CMYA5: variants seen among roughly 807,000 people sequenced by gnomAD.
CMYA5 encodes the protein cardiomyopathy-associated protein 5.
A neutral mutation model predicts 318.9 loss-of-function variants in CMYA5; 246 were observed. The observed-to-expected ratio is 0.77, with a 90% confidence interval of 0.70 to 0.86. The LOEUF is 0.86. CMYA5 is among the 40% of genes least tolerant of loss of function. The pLI, the probability that CMYA5 is intolerant of heterozygous loss-of-function variation, is 0.00. For synonymous variants in CMYA5, 1,641 were observed against 1,729.5 expected (o/e 0.95, Z 1.27); for missense variants, 4,589 against 4,678.2 (o/e 0.98, Z 0.56).
intron 1 of CMYA5, among the ~76,000 whole-genome samples, chr5:79,708,351 G>T (rs1827313835): frequency 6.6e-6 from 1 of 152,220 alleles, no homozygotes; most frequent in South Asian, 2.1e-4. Context: ...GCCGGGCATG[G>T]TGGCTCACGC....
chr5:79,793,671 GCT>G, intron 12 of CMYA5, 61 bp downstream of exon 12: 1 of 1,454,976 alleles, frequency 6.9e-7, no homozygotes, highest in Non-Finnish European at 9.4e-7. Flanking sequence ...TCCAGGCAGG[GCT>G]CTCTGAGGGA....
rs1428223 is a variant in CMYA5, at chr5:79,733,465, C to T, written c.4700C>T (p.Ala1567Val). The T allele has an allele frequency of 2.5e-6, 4 of 1,613,616 alleles. No homozygotes were observed. The Admixed American group carries it at 6.7e-5, about 27-fold the overall frequency. Residue 1567 changes from alanine to valine, a missense_variant, in exon 2 of 13, where the codon GCA (alanine) becomes GTA (valine). This residue lies in a region of CMYA5 where 2,132 missense variants were observed against 2,131.3 expected (regional missense o/e 1.00). Coordinates refer to ENST00000446378, the MANE Select transcript of CMYA5 (RefSeq NM_153610.5). ...IIPKGKDEETASSSPELENLA... is the reference protein window; with the variant it reads ...IIPKGKDEETVSSSPELENLA... ...CCAAAAGGCAAAGATGAGGAAACAG[C>T]AAGTTCATCTCCTGAGTTGGAAAAT...
At chr5:79,694,517 T>TTC (rs1263176792) in intron 1 of CMYA5, among the ~76,000 whole-genome samples, 2 of 152,214 alleles carry the variant, frequency 1.3e-5, no homozygotes, top group Non-Finnish European at 2.9e-5. Context: ...CAATTTTCAT[T>TTC]TCTCTATTTA....
rs1193198890 is a variant in CMYA5 at position 79,731,758 on chromosome 5, T to C, written c.2993T>C (p.Phe998Ser). The change falls in exon 2 of 13, where the codon TTC (phenylalanine) becomes TCC (serine). Residue 998 changes from phenylalanine (F) to serine (S), a missense_variant. Transcript: ENST00000446378. ...GAAGACACTGAAGAAGCGGAACTGT[T>C]CTCTCCAGACTCAGCATCACAAGTT... ...SDEDTEEAEL[F>S]SPDSASQVSI... is the part of the protein sequence containing the mutation. The C allele has an allele frequency of 6.2e-7, 1 of 1,613,772 alleles. No homozygotes were observed. The highest frequency in any genetic ancestry group is 1.1e-5 in the South Asian group (1 of 91,046).
chr5:79,726,653 T>A (rs1827753169), intron 1 of CMYA5, among the ~76,000 whole-genome samples: 1 of 152,148 alleles, frequency 6.6e-6, no homozygotes, highest in Non-Finnish European at 1.5e-5. Flanking sequence ...TGCAGGCTAG[T>A]GGCCCAAGGG....
chr5:79,695,597 A>G (rs1417481121), intron 1 of CMYA5, among the ~76,000 whole-genome samples: 1 of 152,222 alleles, frequency 6.6e-6, no homozygotes, highest in Non-Finnish European at 1.5e-5. Flanking sequence ...CTTCATTGGA[A>G]TCTAGAGAAC....
chr5:79,743,939 A>G lies in CMYA5; in HGVS notation c.10734+17A>G. On this transcript the variant is annotated intron_variant, in intron 3 of 12. Transcript: ENST00000446378. ...ACCATTGAGGTAAGTTAACACACCC[A>G]TTTTACCTTAACCTGGCTTGTTCAC... 1 of 1,298,934 alleles carries G rather than the reference A, an allele frequency of 7.7e-7. No homozygotes were observed. The highest frequency in any genetic ancestry group is 1.1e-6 in the Non-Finnish European group (1 of 929,878). The allele number at this position is 1,298,934 out of a possible 1,614,324, so 80.5% of individuals were successfully genotyped here.
Position 79,729,042 on chromosome 5 carries a change from T to A in CMYA5, c.277T>A (p.Ser93Thr). Residue 93 changes from serine (S) to threonine (T), a missense_variant, in exon 2 of 13, where the codon TCT becomes ACT. Physicochemically the swap from Ser to Thr is moderately conservative, Grantham distance 58. This residue lies in a region of CMYA5 where 2,132 missense variants were observed against 2,131.3 expected (regional missense o/e 1.00). Coordinates refer to ENST00000446378, the MANE Select transcript of CMYA5 (RefSeq NM_153610.5). ...CTGGGAAACCAATTCAAGTAGATCT[T>A]CTACTCCTTGGGCTTCAGAAGAAAG... Reference protein sequence around the residue: ...ITWETNSSRSSTPWASEESQT... With the variant: ...ITWETNSSRSTTPWASEESQT... 1 of 1,613,990 alleles carries A rather than the reference T, an allele frequency of 6.2e-7. No homozygotes were observed. Among genetic ancestry groups the A allele is most frequent in the Admixed American group, 1.7e-5 (1 of 60,028 alleles).
intron 1 of CMYA5, among the ~76,000 whole-genome samples, chr5:79,697,908 G>A (rs1827101928): frequency 6.6e-6 from 1 of 152,152 alleles, no homozygotes; most frequent in African/African-American, 2.4e-5. Context: ...GCAATATTAA[G>A]TTTCCTGATG....
intron 12 of CMYA5, among the ~76,000 whole-genome samples, chr5:79,794,029 A>C (rs1289140577): frequency 6.6e-6 from 1 of 152,164 alleles, no homozygotes; most frequent in Non-Finnish European, 1.5e-5. Context: ...AACTCACCAC[A>C]GGGTGGAGAG....
intron 1 of CMYA5, among the ~76,000 whole-genome samples, chr5:79,723,600 A>G (rs980522640): frequency 2.4e-4 from 36 of 152,096 alleles, no homozygotes; most frequent in African/African-American, 8.2e-4. Flanking sequence ...TGTCTCTACA[A>G]AAAATTAAAA....
At chr5:79,776,861 G>A (rs543347459) in intron 9 of CMYA5, among the ~76,000 whole-genome samples, 60 of 152,234 alleles carry the variant, frequency 3.9e-4, no homozygotes, top group Non-Finnish European at 5.9e-4. Context: ...TAGGAATCAC[G>A]GCACTGGATT....
At chr5:79,799,340 T>C in intron 12 of CMYA5, 30 bp from the exon 13 acceptor site, 1 of 1,575,952 alleles carries the variant, frequency 6.3e-7, no homozygotes. Flanking sequence ...ATTTCCAGAG[T>C]TTTATGTTTC....
intron 9 of CMYA5, among the ~76,000 whole-genome samples, chr5:79,766,150 G>A (rs1283160656): frequency 6.6e-6 from 1 of 152,164 alleles, no homozygotes; most frequent in African/African-American, 2.4e-5. Flanking sequence ...CCAAGCTGGA[G>A]TGCAGTGGTG....
Position 79,735,762 on chromosome 5 carries a change from A to C in CMYA5, c.6997A>C (p.Lys2333Gln). The C allele has an allele frequency of 6.3e-7, 1 of 1,575,408 alleles. No homozygotes were observed. The highest frequency in any genetic ancestry group is 1.2e-5 in the South Asian group (1 of 82,148). ...IGEKLVMEEA[K>Q]TIVPPHVTDS... ...TGAGAAATTGGTTATGGAAGAAGCC[A>C]AAACTATTGTTCCTCCTCATGTTAC... The change falls in exon 2 of 13, where the codon AAA becomes CAA. Residue 2333 changes from lysine to glutamine, a missense_variant. This residue lies in a region of CMYA5 where 2,431 missense variants were observed against 2,495.1 expected (regional missense o/e 0.97). Transcript: ENST00000446378.
chr5:79,797,278 G>A (rs1829292704), intron 12 of CMYA5, among the ~76,000 whole-genome samples: 1 of 152,272 alleles, frequency 6.6e-6, no homozygotes. Context: ...CAGGACTAGG[G>A]CCTCTTGGAA....
At chr5:79,766,244 G>A (rs60431728) in intron 9 of CMYA5, among the ~76,000 whole-genome samples, 10,043 of 152,000 alleles carry the variant, frequency 0.066, 718 homozygotes, top group African/African-American at 0.18. Context: ...GATTACAGGC[G>A]CATGCCACCA....
chr5:79,791,090 C>T (rs768052971), intron 11 of CMYA5, 21 bp downstream of exon 11: 2 of 1,572,376 alleles, frequency 1.3e-6, no homozygotes, highest in Non-Finnish European at 1.7e-6. Context: ...GAAGAAAGCA[C>T]AAGTGGGCTG....
chr5:79,739,507 C>A, intron 2 of CMYA5, 104 bp downstream of exon 2: 2 of 941,992 alleles, frequency 2.1e-6, no homozygotes, highest in Non-Finnish European at 2.9e-6. Flanking sequence ...GATCATTGAT[C>A]TTTAAGCAGA....
Sources: allele counts gnomAD v4.1 joint callset (sites outside exome capture counted in the v4.1 genomes callset), GRCh38; gene constraint gnomAD v4.1.1; regional missense constraint gnomAD v4.1.1; transcripts MANE v1.5; gene names NCBI Gene and HGNC (gene_info 2026-07-23, HGNC 2026-07-21).